SND1: variants seen among roughly 807,000 people sequenced by gnomAD.
SND1 encodes the protein staphylococcal nuclease domain-containing protein 1.
Under a neutral mutation model 121.7 loss-of-function variants are expected in SND1, and 38 were observed. The observed-to-expected ratio is 0.31, with a 90% confidence interval of 0.24 to 0.41. SND1 has a LOEUF of 0.41. Among genes scored for constraint, SND1 ranks in the 10% least tolerant of loss-of-function variants. SND1 has a pLI of 1.00. For synonymous variants in SND1, 401 were observed against 447.4 expected, an observed-to-expected ratio of 0.90 and a Z score of 1.31; for missense variants, 868 against 1,184.6, an observed-to-expected ratio of 0.73 and a Z score of 3.92.
At chr7:128,041,637 G>C (rs965399842) in intron 16 of SND1, among the ~76,000 whole-genome samples, 1 of 152,194 alleles carries the variant, frequency 6.6e-6, no homozygotes, top group Admixed American at 6.5e-5. Context: ...GAAAGGATGA[G>C]AATGTCCCCA....
chr7:127,752,433 G>A (rs1440656581), intron 10 of SND1, among the ~76,000 whole-genome samples: 2 of 152,152 alleles, frequency 1.3e-5, no homozygotes, highest in East Asian at 3.8e-4. Context: ...ACTTTTCTTC[G>A]GAGACCCAGC....
chr7:128,035,086 T>C (rs1019782106), intron 16 of SND1, among the ~76,000 whole-genome samples: 1 of 152,184 alleles, frequency 6.6e-6, no homozygotes, highest in African/African-American at 2.4e-5. Flanking sequence ...CCAGCAGTGA[T>C]TGGGGAAGGC....
At chr7:127,758,521 A>G (rs990458466) in intron 10 of SND1, among the ~76,000 whole-genome samples, 11 of 152,166 alleles carry the variant, frequency 7.2e-5, no homozygotes, top group Admixed American at 1.3e-4. Context: ...TGCATATATG[A>G]CTAATGGTTT....
intron 11 of SND1, among the ~76,000 whole-genome samples, chr7:127,833,257 TGTC>T (rs1192119261): frequency 2.0e-5 from 3 of 146,426 alleles, no homozygotes; most frequent in Non-Finnish European, 3.0e-5. Context: ...GTGATTGAAC[TGTC>T]TTTTTTTTTT....
intron 10 of SND1, among the ~76,000 whole-genome samples, chr7:127,760,782 A>T (rs1000516757): frequency 2.0e-5 from 3 of 152,110 alleles, no homozygotes; most frequent in African/African-American, 7.2e-5. Context: ...TTTTCATCTG[A>T]CTTTTCCTTT....
chr7:127,870,367 T>C (rs894329467), intron 12 of SND1, among the ~76,000 whole-genome samples: 1 of 152,174 alleles, frequency 6.6e-6, no homozygotes, highest in Non-Finnish European at 1.5e-5. Flanking sequence ...GCCCCTATAC[T>C]ACTTAACAAG....
chr7:127,771,814 A>G (rs1159067579), intron 10 of SND1, among the ~76,000 whole-genome samples: 2 of 152,190 alleles, frequency 1.3e-5, no homozygotes, highest in Non-Finnish European at 2.9e-5. Context: ...TCTATTATAC[A>G]TCATTATTTG....
chr7:127,988,454 A>G (rs1042193140), intron 15 of SND1, among the ~76,000 whole-genome samples: 4 of 152,216 alleles, frequency 2.6e-5, no homozygotes, highest in African/African-American at 9.7e-5. Flanking sequence ...TTGTGTCTAC[A>G]TGGAGTGACT....
At chr7:127,674,758 A>G (rs558121410) in intron 1 of SND1, among the ~76,000 whole-genome samples, 1 of 152,346 alleles carries the variant, frequency 6.6e-6, no homozygotes, top group African/African-American at 2.4e-5. Context: ...AAATATTTCC[A>G]GCTTCCTTTT....
chr7:128,023,466 C>A, intron 16 of SND1, among the ~76,000 whole-genome samples: 1 of 152,198 alleles, frequency 6.6e-6, no homozygotes, highest in East Asian at 1.9e-4. Flanking sequence ...TCCCAGCCCT[C>A]AGCTTATGCA....
intron 15 of SND1, among the ~76,000 whole-genome samples, chr7:127,958,704 C>T (rs1054067686): frequency 1.3e-5 from 2 of 152,152 alleles, no homozygotes; most frequent in Non-Finnish European, 2.9e-5. Flanking sequence ...ACTCTGCCTG[C>T]TCCATTTTGA....
In SND1 at chr7:127,729,756, T is replaced by A. The variant is rs550871820; in HGVS notation, c.1152+8356T>A. ...GGTAGACTTTAGACTGGATGATGGA[T>A]TATGGATGAAGCAGCATCATTTCTG... is the stretch of plus-strand genomic sequence containing the variant. On this transcript the variant is annotated intron_variant, in intron 10 of 23. Transcript: ENST00000354725. Among the ~76,000 whole-genome samples the A allele has an allele frequency of 1.1e-4, 16 of 152,312 alleles. No individual in the cohort carries two copies. The East Asian group carries it at 2.7e-3, about 26-fold the overall frequency.
At chr7:128,043,996 G>A (rs1212346403) in intron 16 of SND1, among the ~76,000 whole-genome samples, 4 of 152,114 alleles carry the variant, frequency 2.6e-5, no homozygotes, top group Admixed American at 2.6e-4. Context: ...GGAATAGTGC[G>A]GAGAGAAGGG....
chr7:127,691,621 T>G (rs1795917296), intron 2 of SND1, among the ~76,000 whole-genome samples: 1 of 151,870 alleles, frequency 6.6e-6, no homozygotes, highest in African/African-American at 2.4e-5. Flanking sequence ...TGTTTTTGTT[T>G]GTTTGTTTTT....
chr7:127,705,950 C>CT (rs1377025074), intron 8 of SND1, among the ~76,000 whole-genome samples: 5 of 152,138 alleles, frequency 3.3e-5, no homozygotes, highest in South Asian at 2.1e-4. Context: ...CCTTGAGTAC[C>CT]TATAAGCAGA....
intron 16 of SND1, among the ~76,000 whole-genome samples, chr7:128,040,437 T>TA (rs67595921): frequency 0.39 from 12,730 of 32,816 alleles, 3,896 homozygotes; most frequent in Non-Finnish European, 0.46. Context: ...GTCCTATCTT[T>TA]AAAAAAAAAA....
intron 13 of SND1, among the ~76,000 whole-genome samples, chr7:127,892,342 A>G (rs1584646058): frequency 6.6e-6 from 1 of 152,036 alleles, no homozygotes; most frequent in South Asian, 2.1e-4. Flanking sequence ...GATGAGACAG[A>G]GGGGGAAGAA....
At chr7:128,091,560 A>G (rs1325627718) in intron 22 of SND1, among the ~76,000 whole-genome samples, 1 of 152,134 alleles carries the variant, frequency 6.6e-6, no homozygotes, top group Non-Finnish European at 1.5e-5. Flanking sequence ...AGAGGGAGAT[A>G]CTTTATCACA....
In SND1 at chr7:128,015,541, C is replaced by T. The variant is rs1464336780; in HGVS notation, c.1779+24485C>T. ...TTTAATATAGACTTTGGCAACTTCTCAAAGTACAATGCTCAGTTTTTCAGT... is the reference window on the plus strand; with the variant it reads ...TTTAATATAGACTTTGGCAACTTCTTAAAGTACAATGCTCAGTTTTTCAGT... On this transcript the variant is annotated intron_variant, in intron 16 of 23. Transcript: ENST00000354725. This position sits in a 1 kb window ranked among gnomAD's most constrained non-coding sequence, Gnocchi z 4.5. Among the ~76,000 whole-genome samples the T allele has an allele frequency of 1.3e-5, 2 of 152,178 alleles. No individual in the cohort carries two copies. Among genetic ancestry groups the T allele is most frequent in the Non-Finnish European group, 2.9e-5 (2 of 68,036 alleles).
Sources: gnomAD v4.1 joint callset for allele counts (sites outside exome capture counted in the v4.1 genomes callset) on GRCh38, gnomAD v4.1.1 for gene constraint, Gnocchi (gnomAD v3.1) non-coding constraint, MANE v1.5 for transcripts, NCBI Gene and HGNC (gene_info 2026-07-23, HGNC 2026-07-21) for gene names.